Variants in RBMS3 observed in about 807,000 individuals in gnomAD.
RBMS3 encodes RNA-binding motif, single-stranded-interacting protein 3.
RBMS3 carries 27 observed loss-of-function variants against 66.8 expected under a neutral mutation model. The ratio of observed to expected loss-of-function variants is 0.40; its 90% CI spans 0.30 to 0.56. The LOEUF is 0.56. Among genes scored for constraint, RBMS3 ranks in the 20% least tolerant of loss-of-function variants. The pLI, the probability that RBMS3 is intolerant of heterozygous loss-of-function variation, is 0.40. For missense variants in RBMS3, 513 were observed against 549.5 expected (o/e 0.93, Z 0.66); for synonymous variants, 188 against 183.0 (o/e 1.03, Z -0.22).
rs142220554 is a variant in RBMS3, at chr3:29,385,990, G to A, written c.76-48753G>A. Among the ~76,000 whole-genome samples, 406 of 151,914 alleles carry A rather than the reference G, an allele frequency of 2.7e-3. 3 individuals carry two copies. Among genetic ancestry groups the A allele is most frequent in the African/African-American group, 9.4e-3 (389 of 41,380 alleles). The stretch of plus-strand genomic sequence containing the variant: ...TCTCTTTATACTCTGCTTAGATTTC[G>A]TGAAAAGCCATTATTTCATGAAAAA... On this transcript the variant is annotated intron_variant, in intron 1 of 14. Coordinates refer to ENST00000383767, the MANE Select transcript of RBMS3 (RefSeq NM_001003793.3).
At chr3:29,744,511 C>T (rs559493746) in intron 5 of RBMS3, among the ~76,000 whole-genome samples, 15 of 152,256 alleles carry the variant, frequency 9.9e-5, no homozygotes, top group South Asian at 4.1e-4. Flanking sequence ...CGGCTGGGCG[C>T]GGTGGCTCAC....
At chr3:29,893,023 A>C (rs1213099210) in intron 8 of RBMS3, among the ~76,000 whole-genome samples, 4 of 151,302 alleles carry the variant, frequency 2.6e-5, no homozygotes, top group African/African-American at 9.7e-5. Flanking sequence ...CTCAGATGCA[A>C]CAGTAGCCTC....
intron 4 of RBMS3, among the ~76,000 whole-genome samples, chr3:29,633,752 T>C (rs1462093438): frequency 6.6e-6 from 1 of 151,866 alleles, no homozygotes; most frequent in East Asian, 1.9e-4. Flanking sequence ...CCTGCCATGT[T>C]GTTGTAATCA....
At chr3:29,893,024 C>T (rs1243336344) in intron 8 of RBMS3, among the ~76,000 whole-genome samples, 11 of 151,284 alleles carry the variant, frequency 7.3e-5, no homozygotes, top group Non-Finnish European at 1.3e-4. Flanking sequence ...TCAGATGCAA[C>T]AGTAGCCTCT....
chr3:29,589,455 C>G (rs1427415362), intron 4 of RBMS3, among the ~76,000 whole-genome samples: 1 of 152,028 alleles, frequency 6.6e-6, no homozygotes, highest in Non-Finnish European at 1.5e-5. Context: ...AAGATTTTAC[C>G]TTATTAATTC....
intron 12 of RBMS3, among the ~76,000 whole-genome samples, chr3:29,975,387 A>T (rs996023317): frequency 2.6e-5 from 4 of 151,790 alleles, no homozygotes; most frequent in African/African-American, 2.4e-5. Flanking sequence ...AGTATATAGG[A>T]GTTCCTATTG....
chr3:29,637,801 A>G (rs1420116856), intron 4 of RBMS3, among the ~76,000 whole-genome samples: 1 of 151,836 alleles, frequency 6.6e-6, no homozygotes, highest in Non-Finnish European at 1.5e-5. Context: ...ACTGGAGGAA[A>G]CCATTTCTCT....
At chr3:29,451,383 G>T (rs181791497) in intron 2 of RBMS3, among the ~76,000 whole-genome samples, 1 of 152,232 alleles carries the variant, frequency 6.6e-6, no homozygotes, top group Admixed American at 6.5e-5. Context: ...AAGAATTAGT[G>T]CTAACTCCCC....
rs986047567 is a variant in RBMS3 at position 29,899,806 on chromosome 3, G to A, written c.939+51G>A. On this transcript the variant is annotated intron_variant, in intron 10 of 14. Coordinates refer to ENST00000383767, the MANE Select transcript of RBMS3 (RefSeq NM_001003793.3). ...TAATATTTCTATTATCCAAGTACAA[G>A]CTTTTGGAATGCATAGAAGCTTTGG... 1.9e-6 allele frequency: 3 copies of A among 1,565,356 alleles called. No homozygotes were observed. In the African/African-American group the frequency reaches 4.1e-5, roughly 21 times the overall value.
At chr3:29,681,475 G>T (rs1177113724) in intron 4 of RBMS3, among the ~76,000 whole-genome samples, 4 of 151,786 alleles carry the variant, frequency 2.6e-5, no homozygotes, top group Non-Finnish European at 5.9e-5. Context: ...GCATCCATTA[G>T]CTAGTCTTCC....
intron 1 of RBMS3, among the ~76,000 whole-genome samples, chr3:29,413,276 A>C (rs1265464423): frequency 6.6e-6 from 1 of 152,162 alleles, no homozygotes; most frequent in Non-Finnish European, 1.5e-5. Flanking sequence ...AGGCTGAGGC[A>C]GGAGAATCGC....
intron 3 of RBMS3, among the ~76,000 whole-genome samples, chr3:29,546,010 T>C (rs1262789513): frequency 6.6e-6 from 1 of 152,150 alleles, no homozygotes; most frequent in East Asian, 1.9e-4. Context: ...TAGCAGCAAA[T>C]TTTTCCAGAA....
At chr3:29,414,296 C>T (rs540285075) in intron 1 of RBMS3, among the ~76,000 whole-genome samples, 12 of 152,312 alleles carry the variant, frequency 7.9e-5, no homozygotes, top group Non-Finnish European at 1.3e-4. Flanking sequence ...ATATCTATCC[C>T]ATGAGATAGG....
At chr3:29,301,358 A>C (rs543653346) in intron 1 of RBMS3, among the ~76,000 whole-genome samples, 1 of 152,022 alleles carries the variant, frequency 6.6e-6, no homozygotes, top group Non-Finnish European at 1.5e-5. Context: ...CTTCAACATC[A>C]TGAGGATTGT....
intron 4 of RBMS3, among the ~76,000 whole-genome samples, chr3:29,703,903 A>C (rs1251105854): frequency 6.6e-6 from 1 of 152,186 alleles, no homozygotes; most frequent in Non-Finnish European, 1.5e-5. Flanking sequence ...CACCCACATT[A>C]TCGCCTGCAC....
At chr3:29,677,822 G>T (rs1220600646) in intron 4 of RBMS3, among the ~76,000 whole-genome samples, 1 of 152,066 alleles carries the variant, frequency 6.6e-6, no homozygotes, top group African/African-American at 2.4e-5. Flanking sequence ...CACTCTTGGG[G>T]TTAGTGTAAT....
chr3:29,792,073 A>C (rs766191611), intron 6 of RBMS3, among the ~76,000 whole-genome samples: 19 of 152,180 alleles, frequency 1.2e-4, no homozygotes, highest in Non-Finnish European at 1.9e-4. Context: ...CATTTATTAA[A>C]ATAAAAACAT....
intron 2 of RBMS3, among the ~76,000 whole-genome samples, chr3:29,484,873 C>G (rs1352567040): frequency 1.3e-5 from 2 of 152,114 alleles, no homozygotes; most frequent in Non-Finnish European, 2.9e-5. Context: ...ATACCTTTTT[C>G]TAGTCTGGTA....
chr3:29,431,501 C>T (rs1370434253), intron 1 of RBMS3, among the ~76,000 whole-genome samples: 3 of 151,848 alleles, frequency 2.0e-5, no homozygotes, highest in Admixed American at 2.0e-4. Flanking sequence ...CTATGTTGGC[C>T]AGGATGGTCT....
Sources: gnomAD v4.1 joint callset for allele counts (sites outside exome capture counted in the v4.1 genomes callset) on GRCh38, gnomAD v4.1.1 for gene constraint, MANE v1.5 for transcripts, NCBI Gene and HGNC (gene_info 2026-07-23, HGNC 2026-07-21) for gene names.